Variants in GLIS3 observed in about 807,000 individuals in gnomAD.
The protein encoded by GLIS3 is GLIS family zinc finger 3.
GLIS3 carries 53 observed loss-of-function variants against 78.6 expected under a neutral mutation model. The ratio of observed to expected loss-of-function variants is 0.67; its 90% confidence interval spans 0.54 to 0.85. The LOEUF (loss-of-function observed/expected upper bound fraction) is 0.85. Among genes scored for constraint, GLIS3 ranks in the 40% least tolerant of loss-of-function variants. The pLI, the probability that GLIS3 is intolerant of heterozygous loss-of-function variation, is 0.00. For missense variants in GLIS3, 1,703 were observed against 1,231.1 expected (o/e 1.38, Z -5.74); for synonymous variants, 684 against 509.9 (o/e 1.34, Z -4.60).
At chr9:3,880,386 T>G (rs1236985871) in intron 7 of GLIS3, among the ~76,000 whole-genome samples, 1 of 152,182 alleles carries the variant, frequency 6.6e-6, no homozygotes, top group East Asian at 1.9e-4. Context: ...CAGAAGAAAC[T>G]GGGGCTTGTC....
chr9:4,075,699 A>T (rs1429911256), intron 4 of GLIS3, among the ~76,000 whole-genome samples: 1 of 152,244 alleles, frequency 6.6e-6, no homozygotes, highest in African/African-American at 2.4e-5. Context: ...TCAAAACCAG[A>T]AACAACCCAA....
intron 4 of GLIS3, among the ~76,000 whole-genome samples, chr9:4,106,196 C>A (rs1386167117): frequency 6.6e-6 from 1 of 152,122 alleles, no homozygotes; most frequent in Non-Finnish European, 1.5e-5. Flanking sequence ...ACTTTGTCAG[C>A]GTGATTATCT....
At chr9:4,473,871 G>A in the GLIS3 span, among the ~76,000 whole-genome samples, 1 of 151,942 alleles carries the variant, frequency 6.6e-6, no homozygotes, top group Non-Finnish European at 1.5e-5. Context: ...AAAACCTAAT[G>A]AAGATGCACA....
intron 4 of GLIS3, among the ~76,000 whole-genome samples, chr9:4,031,531 G>C (rs1358622384): frequency 6.6e-6 from 1 of 152,180 alleles, no homozygotes; most frequent in African/African-American, 2.4e-5. Context: ...TTATCTTAGG[G>C]CGATGATAAT....
intron 6 of GLIS3, among the ~76,000 whole-genome samples, chr9:3,916,581 T>G (rs1824529322): frequency 6.6e-6 from 1 of 152,222 alleles, no homozygotes; most frequent in Non-Finnish European, 1.5e-5. Flanking sequence ...CCAACATCCC[T>G]TTCAGAGAAA....
chr9:4,217,259 A>G (rs1424687769), intron 2 of GLIS3, among the ~76,000 whole-genome samples: 28 of 152,152 alleles, frequency 1.8e-4, no homozygotes. Flanking sequence ...ATGCATGTGC[A>G]CTCATTCATT....
At chr9:4,179,734 A>T (rs1352448246) in intron 2 of GLIS3, among the ~76,000 whole-genome samples, 1 of 151,922 alleles carries the variant, frequency 6.6e-6, no homozygotes, top group Non-Finnish European at 1.5e-5. Context: ...ACGTGGTGAA[A>T]CCCCGTCTCT....
rs746528215 is a variant in GLIS3, at chr9:4,117,768, C to T, written c.1710G>A (p.Thr570=). 3.7e-6 allele frequency: 6 copies of T among 1,614,046 alleles called. 1 individual carries two copies. The highest frequency in any genetic ancestry group is 2.2e-5 in the East Asian group (1 of 44,890). The change falls in exon 4 of 11, where the codon ACG becomes ACA. Residue 570 remains threonine (T), a splice_region_variant and synonymous_variant. Transcript: ENST00000381971. ...VHSGEKPNKC[T]FEGCEKAFSR... is the part of the protein sequence containing the mutation. ...CACCCCTTGCGCTTCGGAAACTCAC[C>T]GTACACTTGTTGGGCTTCTCCCCAG... is the stretch of plus-strand genomic sequence containing the variant.
chr9:4,046,958 T>A (rs1403064058), intron 4 of GLIS3, among the ~76,000 whole-genome samples: 1 of 152,168 alleles, frequency 6.6e-6, no homozygotes. Context: ...ATGCTCAAAG[T>A]CTCAACAAAC....
At chr9:4,259,012 G>C (rs1356738275) in intron 2 of GLIS3, among the ~76,000 whole-genome samples, 1 of 152,046 alleles carries the variant, frequency 6.6e-6, no homozygotes, top group East Asian at 1.9e-4. Flanking sequence ...AACGCCAATG[G>C]ACCCTTGTGG....
At chr9:4,004,491 G>A (rs553679896) in intron 4 of GLIS3, among the ~76,000 whole-genome samples, 1 of 152,282 alleles carries the variant, frequency 6.6e-6, no homozygotes, top group East Asian at 1.9e-4. Flanking sequence ...GGGATGAAAG[G>A]AGGATCCAGC....
At chr9:4,474,933 C>T in the GLIS3 span, among the ~76,000 whole-genome samples, 2 of 150,244 alleles carry the variant, frequency 1.3e-5, no homozygotes, top group East Asian at 3.9e-4. Context: ...ATTTCTTAAA[C>T]AGAACTCTGC....
the GLIS3 span, among the ~76,000 whole-genome samples, chr9:4,438,282 T>C: frequency 6.6e-6 from 1 of 152,214 alleles, no homozygotes; most frequent in South Asian, 2.1e-4. Flanking sequence ...TAATGTTTTG[T>C]GATATTTTGT....
At chr9:4,173,428 C>T (rs1458932035) in intron 2 of GLIS3, among the ~76,000 whole-genome samples, 1 of 152,104 alleles carries the variant, frequency 6.6e-6, no homozygotes, top group Non-Finnish European at 1.5e-5. Context: ...TTCTTATCAT[C>T]TTGTAAATAG....
chr9:4,358,333 AAG>A, the GLIS3 span, among the ~76,000 whole-genome samples: 66,642 of 151,700 alleles, frequency 0.44, 14,948 homozygotes, highest in Middle Eastern at 0.48. Flanking sequence ...TTACAAAAAA[AAG>A]AGACTAATAC....
the GLIS3 span, among the ~76,000 whole-genome samples, chr9:4,475,537 C>T: frequency 6.6e-6 from 1 of 152,100 alleles, no homozygotes; most frequent in Admixed American, 6.6e-5. Flanking sequence ...ATGGATACAC[C>T]CACACAGTGT....
At chr9:4,487,535 C>A in the GLIS3 span, among the ~76,000 whole-genome samples, 1 of 152,022 alleles carries the variant, frequency 6.6e-6, no homozygotes, top group Non-Finnish European at 1.5e-5. Flanking sequence ...ACCCCGAGAA[C>A]CCTAGTGTAA....
chr9:4,277,923 G>C (rs200855741), intron 2 of GLIS3, among the ~76,000 whole-genome samples: 2 of 152,234 alleles, frequency 1.3e-5, no homozygotes, highest in South Asian at 4.2e-4. Context: ...AAATCCTAGC[G>C]AGACTAATAA....
chr9:4,469,589 C>G, the GLIS3 span, among the ~76,000 whole-genome samples: 4 of 152,000 alleles, frequency 2.6e-5, no homozygotes, highest in Non-Finnish European at 4.4e-5. Context: ...TGAAACCAAA[C>G]ATAACAAAGA....
Sources: gnomAD v4.1 joint callset for allele counts (sites outside exome capture counted in the v4.1 genomes callset) on GRCh38, gnomAD v4.1.1 for gene constraint, MANE v1.5 for transcripts, NCBI Gene and HGNC (gene_info 2026-07-23, HGNC 2026-07-21) for gene names.